MYCBP2: variants seen among roughly 807,000 people sequenced by gnomAD.
The protein encoded by MYCBP2 is MYC binding protein 2, also known as E3 ubiquitin-protein ligase MYCBP2.
A neutral mutation model predicts 525.3 loss-of-function variants in MYCBP2; 120 were observed. The ratio of observed to expected loss-of-function variants is 0.23; its 90% confidence interval spans 0.20 to 0.27. The LOEUF is 0.27. Ranked by LOEUF, MYCBP2 falls within the 10% of genes least tolerant of loss-of-function variation. The pLI, the probability that MYCBP2 is intolerant of heterozygous loss-of-function variation, is 1.00. For missense variants in MYCBP2, 4,149 were observed against 5,657.1 expected (o/e 0.73, Z 8.55); for synonymous variants, 1,894 against 1,955.8 (o/e 0.97, Z 0.83).
chr13:77,081,900 A>G lies in MYCBP2; in HGVS notation c.11130T>C (p.Asp3710=), dbSNP rs143701774. ...HHINNILSKS[D]DGDSEESFSI... ...TAAAACTCTCTTCACTATCGCCATC[A>G]TCTGACTTTGACAAAATATTGTTAA... The change falls in exon 64 of 83, where the codon GAT becomes GAC. Residue 3710 remains aspartate (D), a synonymous_variant. Coordinates refer to ENST00000544440, the MANE Select transcript of MYCBP2 (RefSeq NM_015057.5). This position sits in a 1 kb window ranked among gnomAD's most constrained non-coding sequence, Gnocchi z 4.6. 3.5e-5 allele frequency: 56 copies of G among 1,613,770 alleles called. No individual in the cohort carries two copies. The African/African-American group carries it at 7.2e-4, about 21-fold the overall frequency.
intron 56 of MYCBP2, 100 bp from the exon 57 acceptor site, chr13:77,096,581 A>C (rs2046288066): frequency 8.2e-7 from 1 of 1,225,512 alleles, no homozygotes. Flanking sequence ...CTTCTCAAAG[A>C]AAGCAAAATA....
At chr13:77,315,306 G>A (rs981532785) in intron 1 of MYCBP2, among the ~76,000 whole-genome samples, 2 of 152,130 alleles carry the variant, frequency 1.3e-5, no homozygotes, top group African/African-American at 4.8e-5. Context: ...TTTATGAGAC[G>A]AGGATAACTA....
intron 52 of MYCBP2, among the ~76,000 whole-genome samples, chr13:77,134,852 C>G (rs2053495617): frequency 6.6e-6 from 1 of 152,132 alleles, no homozygotes; most frequent in Non-Finnish European, 1.5e-5. Context: ...AATAGAAAGA[C>G]TGATAGATCC....
intron 10 of MYCBP2, among the ~76,000 whole-genome samples, chr13:77,263,435 C>A (rs1052176595): frequency 4.0e-5 from 6 of 151,804 alleles, no homozygotes; most frequent in African/African-American, 1.5e-4. Flanking sequence ...TTAGTCAATT[C>A]CTTAGAATGG....
intron 69 of MYCBP2, 61 bp downstream of exon 69, chr13:77,070,570 A>AC: frequency 8.1e-7 from 1 of 1,234,442 alleles, no homozygotes; most frequent in Non-Finnish European, 1.2e-6. Flanking sequence ...AGACAAACAA[A>AC]CAAACACACA....
At chr13:77,259,841 A>G (rs1231148408) in intron 13 of MYCBP2, among the ~76,000 whole-genome samples, 1 of 152,216 alleles carries the variant, frequency 6.6e-6, no homozygotes, top group Non-Finnish European at 1.5e-5. Context: ...AAGAAAATCT[A>G]GTAACCAAAT....
chr13:77,125,440 T>G lies in MYCBP2; in HGVS notation c.7913A>C (p.Gln2638Pro). ...CTCTACCATGCTGTTCTGATCCAGT[T>G]GCACCCATGTCCCTTCAGAATTGGT... ...EVTNSEGTWVQLDQNSMVEFC... is the reference protein window; with the variant it reads ...EVTNSEGTWVPLDQNSMVEFC... Residue 2638 changes from glutamine to proline, a missense_variant, in exon 54 of 83, where the codon CAA becomes CCA. Physicochemically the swap from Gln to Pro is moderately conservative, Grantham distance 76. This residue lies in a region of MYCBP2 where 653 missense variants were observed against 744.7 expected (regional missense o/e 0.88). Transcript: ENST00000544440. 1 of 1,613,908 alleles carries G rather than the reference T, an allele frequency of 6.2e-7. No homozygotes were observed. The highest frequency in any genetic ancestry group is 8.5e-7 in the Non-Finnish European group (1 of 1,179,824).
At chr13:77,217,742 G>A (rs922496331) in intron 21 of MYCBP2, 98 bp downstream of exon 21, 46 of 613,824 alleles carry the variant, frequency 7.5e-5, no homozygotes, top group Middle Eastern at 4.5e-4. Flanking sequence ...TAATATAATT[G>A]TTATATTATA....
chr13:77,169,461 G>C (rs1431612064), intron 39 of MYCBP2, among the ~76,000 whole-genome samples, 153 bp downstream of exon 39: 1 of 149,984 alleles, frequency 6.7e-6, no homozygotes, highest in African/African-American at 2.5e-5. Context: ...ACTAAGAAGA[G>C]AGAAGTTTAA....
intron 17 of MYCBP2, among the ~76,000 whole-genome samples, chr13:77,235,706 T>G (rs927929721): frequency 2.6e-5 from 4 of 151,982 alleles, no homozygotes; most frequent in Non-Finnish European, 5.9e-5. Flanking sequence ...CACATTCTAA[T>G]GAGGGGAGGG....
At chr13:77,076,407 G>A (rs1285322094) in intron 68 of MYCBP2, among the ~76,000 whole-genome samples, 6 of 152,140 alleles carry the variant, frequency 3.9e-5, no homozygotes, top group Non-Finnish European at 7.4e-5. Context: ...AGGATAAATC[G>A]TAAAAAAGTT....
intron 37 of MYCBP2, among the ~76,000 whole-genome samples, chr13:77,172,150 T>C (rs1485574894): frequency 3.3e-5 from 5 of 152,050 alleles, no homozygotes; most frequent in Non-Finnish European, 5.9e-5. Context: ...CCACCCATCT[T>C]GGACTCCCAA....
At chr13:77,317,130 G>A (rs892076404) in intron 1 of MYCBP2, among the ~76,000 whole-genome samples, 2 of 151,968 alleles carry the variant, frequency 1.3e-5, no homozygotes, top group Non-Finnish European at 2.9e-5. Flanking sequence ...TTTTGTATTT[G>A]TAGTACAAAC....
intron 62 of MYCBP2, among the ~76,000 whole-genome samples, chr13:77,084,008 T>C (rs2043782739): frequency 6.6e-6 from 1 of 152,174 alleles, no homozygotes; most frequent in Admixed American, 6.6e-5. Flanking sequence ...TAGATATGTA[T>C]GTAACATATA....
intron 4 of MYCBP2, 47 bp from the exon 5 acceptor site, chr13:77,273,715 A>G (rs1208372143): frequency 2.3e-6 from 3 of 1,284,596 alleles, no homozygotes; most frequent in Non-Finnish European, 3.1e-6. Flanking sequence ...CATACGGAAC[A>G]TTATATGCGT....
chr13:77,059,448 A>T, intron 77 of MYCBP2, 75 bp downstream of exon 77: 1 of 1,120,168 alleles, frequency 8.9e-7, no homozygotes, highest in Non-Finnish European at 1.4e-6. Context: ...CTGAGCTAAA[A>T]CTCTTTTCTG....
At chr13:77,085,183 T>C (rs915814561) in intron 62 of MYCBP2, among the ~76,000 whole-genome samples, 1 of 152,110 alleles carries the variant, frequency 6.6e-6, no homozygotes, top group Non-Finnish European at 1.5e-5. Flanking sequence ...TATTTTCTGT[T>C]ATAATTCTTC....
Position 77,244,083 on chromosome 13 carries a change from T to C in MYCBP2, c.2382-132A>G, listed in dbSNP as rs1594272658. ...TGAGTAAGCAATGAAATCACCTCTT[T>C]AGATCACGATTGTTCATTTTAAAGA... On this transcript the variant is annotated intron_variant, in intron 15 of 82. Transcript: ENST00000544440. The C allele has an allele frequency of 1.2e-5, 12 of 966,358 alleles. No individual in the cohort carries two copies. In the East Asian group the frequency reaches 3.4e-4, roughly 27 times the overall value. The allele number at this position is 966,358 out of a possible 1,614,324, so 59.9% of individuals were successfully genotyped here. A position where few individuals can be genotyped will look rare whatever the true frequency, so the allele number is the denominator to read the frequency against.
Position 77,326,870 on chromosome 13 carries a change from T to G in MYCBP2, c.-95A>C, listed in dbSNP as rs1237033497. 7.3e-6 allele frequency: 9 copies of G among 1,225,428 alleles called. No homozygotes were observed. The highest frequency in any genetic ancestry group is 9.4e-6 in the Non-Finnish European group (9 of 955,134). The allele number at this position is 1,225,428 out of a possible 1,614,324, so 75.9% of individuals were successfully genotyped here. A position where few individuals can be genotyped will look rare whatever the true frequency, so the allele number is the denominator to read the frequency against. The stretch of plus-strand genomic sequence containing the variant: ...ACAGCCCTTTTCCAACGACGACGGC[T>G]CCGGCGGCGGCCTCTGGCTCCCGCA... On this transcript the variant is annotated 5_prime_UTR_variant, in exon 1 of 83. Transcript: ENST00000544440. The surrounding 1 kb of genome is among the most constrained non-coding windows in gnomAD (Gnocchi z 4.2).
Sources: allele counts gnomAD v4.1 joint callset (sites outside exome capture counted in the v4.1 genomes callset), GRCh38; gene constraint gnomAD v4.1.1; regional missense constraint gnomAD v4.1.1; non-coding constraint Gnocchi (gnomAD v3.1); transcripts MANE v1.5; gene names NCBI Gene and HGNC (gene_info 2026-07-23, HGNC 2026-07-21).